TBC1D19: variants seen among roughly 807,000 people sequenced by gnomAD.
The protein encoded by TBC1D19 is TBC1 domain family member 19, also known as TBC1 domain family, member 19.
TBC1D19 carries 60 observed loss-of-function variants against 89.0 expected under a neutral mutation model. The observed-to-expected ratio is 0.67, with a 90% CI of 0.55 to 0.84. The LOEUF (loss-of-function observed/expected upper bound fraction) is 0.84. TBC1D19 is among the 40% of genes least tolerant of loss of function. The pLI, the probability that TBC1D19 is intolerant of heterozygous loss-of-function variation, is 0.00. For missense variants in TBC1D19, 500 were observed against 610.8 expected (o/e 0.82, Z 1.91); for synonymous variants, 189 against 199.7 (o/e 0.95, Z 0.45).
rs143159209 is a variant in TBC1D19 at position 26,741,900 on chromosome 4, T to C, written c.1228-608T>C. ...ACAAATAATGCCCTTTTAAAAACAGTAGATTTTAGTTTTAAAAAATATGTG... is the reference window on the plus strand; with the variant it reads ...ACAAATAATGCCCTTTTAAAAACAGCAGATTTTAGTTTTAAAAAATATGTG... On this transcript the variant is annotated intron_variant, in intron 17 of 20. Transcript: ENST00000264866. Among the ~76,000 whole-genome samples, 63 of 152,320 alleles carry C rather than the reference T, an allele frequency of 4.1e-4. 3 individuals carry two copies. In the East Asian group the frequency reaches 0.011, roughly 27 times the overall value.
the TBC1D19 span, among the ~76,000 whole-genome samples, chr4:26,823,881 G>A: frequency 1.3e-5 from 2 of 152,192 alleles, no homozygotes; most frequent in Admixed American, 6.5e-5. Flanking sequence ...TACCTCTGCA[G>A]GATTCCTCCC....
chr4:26,771,935 T>C, the TBC1D19 span, among the ~76,000 whole-genome samples: 1 of 152,074 alleles, frequency 6.6e-6, no homozygotes, highest in African/African-American at 2.4e-5. Flanking sequence ...AGTAGTGTCA[T>C]TAAAACAAAA....
the TBC1D19 span, among the ~76,000 whole-genome samples, chr4:26,771,751 G>A: frequency 6.6e-6 from 1 of 151,914 alleles, no homozygotes; most frequent in African/African-American, 2.4e-5. Context: ...TTGTGCTATA[G>A]TCAACAATAC....
Position 26,630,455 on chromosome 4 carries a change from A to T in TBC1D19, c.295-6756A>T, listed in dbSNP as rs1000687830. On this transcript the variant is annotated intron_variant, in intron 4 of 20. Transcript: ENST00000264866. ...CTATTTATTTATTTTGGGGTGCTAA[A>T]TGTACATTGAAATTATTATATAATA... Among the ~76,000 whole-genome samples, 8 of 152,022 alleles carry T rather than the reference A, an allele frequency of 5.3e-5. 1 individual carries two copies. The highest frequency in any genetic ancestry group is 1.3e-4 in the Admixed American group (2 of 15,218).
At chr4:26,683,044 C>G (rs1488475663) in intron 11 of TBC1D19, among the ~76,000 whole-genome samples, 1 of 152,120 alleles carries the variant, frequency 6.6e-6, no homozygotes, top group Admixed American at 6.5e-5. Flanking sequence ...CTCCTGAGTT[C>G]AAGCATATGG....
At chr4:26,680,763 A>G (rs1389056657) in intron 11 of TBC1D19, among the ~76,000 whole-genome samples, 3 of 152,176 alleles carry the variant, frequency 2.0e-5, no homozygotes, top group Non-Finnish European at 4.4e-5. Context: ...GATCCTTGAA[A>G]TATTCTTGGT....
At chr4:26,638,866 T>TG in intron 6 of TBC1D19, 32 bp downstream of exon 6, 1 of 1,516,520 alleles carries the variant, frequency 6.6e-7, no homozygotes. Context: ...AATGTAGTAG[T>TG]GGAAAAATAA....
chr4:26,734,825 C>T (rs1717863835), intron 15 of TBC1D19, among the ~76,000 whole-genome samples: 1 of 151,892 alleles, frequency 6.6e-6, no homozygotes, highest in East Asian at 1.9e-4. Flanking sequence ...AGTTCTTAAA[C>T]TTAATTCTGT....
At chr4:26,827,764 G>A in the TBC1D19 span, among the ~76,000 whole-genome samples, 1 of 144,770 alleles carries the variant, frequency 6.9e-6, no homozygotes, top group Non-Finnish European at 1.5e-5. Flanking sequence ...AGGCTAGAAT[G>A]CAGTGCCTAT....
chr4:26,642,432 C>G (rs1743609816), intron 7 of TBC1D19, among the ~76,000 whole-genome samples: 1 of 152,168 alleles, frequency 6.6e-6, no homozygotes, highest in Non-Finnish European at 1.5e-5. Context: ...GAGGGAAGCA[C>G]TAAACATGGA....
At chr4:26,775,121 G>A in the TBC1D19 span, among the ~76,000 whole-genome samples, 3 of 152,120 alleles carry the variant, frequency 2.0e-5, no homozygotes, top group African/African-American at 7.2e-5. Context: ...GTACTGCTAT[G>A]ATTTGAAAGC....
At chr4:26,851,752 T>C in the TBC1D19 span, among the ~76,000 whole-genome samples, 33 of 152,364 alleles carry the variant, frequency 2.2e-4, no homozygotes, top group African/African-American at 7.9e-4. Flanking sequence ...AGTATCACTC[T>C]GTTGCCCAGG....
chr4:26,841,650 C>T, the TBC1D19 span, among the ~76,000 whole-genome samples: 9 of 152,282 alleles, frequency 5.9e-5, no homozygotes, highest in South Asian at 2.1e-4. Context: ...CCAAGTCCCA[C>T]GGCAGCAACC....
the TBC1D19 span, among the ~76,000 whole-genome samples, chr4:26,829,763 C>T: frequency 6.6e-6 from 1 of 152,312 alleles, no homozygotes; most frequent in African/African-American, 2.4e-5. Context: ...AGGACTAAAA[C>T]CTGTTGCTAT....
At chr4:26,641,470 G>A (rs2110080472) in intron 7 of TBC1D19, among the ~76,000 whole-genome samples, 1 of 152,346 alleles carries the variant, frequency 6.6e-6, no homozygotes, top group African/African-American at 2.4e-5. Flanking sequence ...AACATGGGGA[G>A]AAACCAGAGC....
intron 15 of TBC1D19, among the ~76,000 whole-genome samples, chr4:26,732,603 TTTA>T (rs1717734230): frequency 6.6e-6 from 1 of 152,176 alleles, no homozygotes; most frequent in South Asian, 2.1e-4. Context: ...AGACTTTTCC[TTTA>T]ACCAGCCAGA....
chr4:26,838,125 C>T, the TBC1D19 span, among the ~76,000 whole-genome samples: 1 of 152,110 alleles, frequency 6.6e-6, no homozygotes, highest in African/African-American at 2.4e-5. Context: ...GGCCCCTTTC[C>T]CATCCATTTC....
intron 17 of TBC1D19, chr4:26,740,825 T>C: frequency 1.0e-6 from 1 of 985,436 alleles, no homozygotes; most frequent in Non-Finnish European, 1.2e-6. Context: ...AGCTGTTCTT[T>C]ATCCCCCCAT....
At chr4:26,856,198 A>G in the TBC1D19 span, among the ~76,000 whole-genome samples, 140 of 152,146 alleles carry the variant, frequency 9.2e-4, no homozygotes, top group Non-Finnish European at 1.5e-3. Context: ...ACTTTTTTTT[A>G]GATTCCACAT....
Sources: allele counts gnomAD v4.1 joint callset (sites outside exome capture counted in the v4.1 genomes callset), GRCh38; gene constraint gnomAD v4.1.1; transcripts MANE v1.5; gene names NCBI Gene and HGNC (gene_info 2026-07-23, HGNC 2026-07-21).